FER1L5: variants seen among roughly 807,000 people sequenced by gnomAD.
The protein encoded by FER1L5 is fer-1 like family member 5.
Under a neutral mutation model 279.9 loss-of-function variants are expected in FER1L5, and 187 were observed. The observed-to-expected ratio is 0.67, with a 90% confidence interval of 0.59 to 0.75. FER1L5 has a LOEUF of 0.75. Ranked by LOEUF, FER1L5 falls within the 30% of genes least tolerant of loss-of-function variation. The pLI is 0.00. For synonymous variants in FER1L5, 921 were observed against 989.7 expected, an observed-to-expected ratio of 0.93 and a Z score of 1.30; for missense variants, 2,091 against 2,594.4, an observed-to-expected ratio of 0.81 and a Z score of 4.21.
chr2:96,692,046 T>G (rs2077173257), intron 30 of FER1L5, 58 bp from the exon 31 acceptor site: 2 of 1,545,564 alleles, frequency 1.3e-6, no homozygotes, highest in African/African-American at 1.4e-5. Context: ...GTGGGGGCAG[T>G]CAGAGGGAGC....
chr2:96,692,185 G>T lies in FER1L5; in HGVS notation c.3292+4G>T. ...AATCAGATCCTGACATTCCAAGGTA[G>T]GTGGCAGGCAGCCTTGTCCCCAGCT... On this transcript the variant is annotated splice_donor_region_variant and intron_variant, in intron 31 of 52. Transcript: ENST00000624922. 1 of 1,551,714 alleles carries T rather than the reference G, an allele frequency of 6.4e-7. No homozygotes were observed. Among genetic ancestry groups the T allele is most frequent in the South Asian group, 1.2e-5 (1 of 84,058 alleles).
At chr2:96,696,022 G>A (rs371664096) in intron 36 of FER1L5, 30 bp from the exon 37 acceptor site, 3 of 1,613,668 alleles carry the variant, frequency 1.9e-6, no homozygotes, top group Non-Finnish European at 2.5e-6. Flanking sequence ...TCCCCATCCT[G>A]AGACTCGTCC....
Position 96,695,752 on chromosome 2 carries a change from C to A in FER1L5, c.3905C>A (p.Thr1302Lys), listed in dbSNP as rs769615665. The A allele has an allele frequency of 6.2e-7, 1 of 1,612,468 alleles. No individual in the cohort carries two copies. Among genetic ancestry groups the A allele is most frequent in the Non-Finnish European group, 8.5e-7 (1 of 1,179,270 alleles). The stretch of plus-strand genomic sequence containing the variant: ...TCCTCGGGATTGCAGCTCATGCCGA[C>A]GGAGGAGGCCTATGCACTGCCCCTC... ...SVLVLTVLMP[T>K]EEAYALPLVV... Residue 1302 changes from threonine to lysine, a missense_variant, in exon 36 of 53, where the codon ACG becomes AAG. Coordinates refer to ENST00000624922, the MANE Select transcript of FER1L5 (RefSeq NM_001293083.2).
Sources: allele counts gnomAD v4.1 joint callset, GRCh38; gene constraint gnomAD v4.1.1; transcripts MANE v1.5; gene names NCBI Gene and HGNC (gene_info 2026-07-23, HGNC 2026-07-21).